ROBO1: variants seen among roughly 807,000 people sequenced by gnomAD.
ROBO1 encodes the protein roundabout guidance receptor 1, also known as roundabout homolog 1.
Under a neutral mutation model 195.9 loss-of-function variants are expected in ROBO1, and 149 were observed. That is an observed-to-expected ratio of 0.76 (90% CI 0.67 to 0.87). The LOEUF is 0.87. ROBO1 is among the 40% of genes least tolerant of loss of function. ROBO1 has a pLI of 0.00. For synonymous variants in ROBO1, 816 were observed against 733.2 expected (o/e 1.11, Z -1.82); for missense variants, 1,933 against 2,068.3 (o/e 0.93, Z 1.27).
intron 2 of ROBO1, among the ~76,000 whole-genome samples, chr3:79,236,442 C>T (rs76041884): frequency 6.6e-6 from 1 of 152,138 alleles, no homozygotes; most frequent in East Asian, 1.9e-4. Flanking sequence ...CTGTGTGTAA[C>T]CTCACTCTCA....
At chr3:78,779,919 G>T (rs1576150804) in intron 4 of ROBO1, among the ~76,000 whole-genome samples, 2 of 152,274 alleles carry the variant, frequency 1.3e-5, no homozygotes, top group Admixed American at 6.5e-5. Flanking sequence ...GGAATACTAT[G>T]CAGCCGTAAA....
chr3:79,577,751 CACACACACAA>C (rs1489411751), intron 2 of ROBO1, among the ~76,000 whole-genome samples: 2 of 132,080 alleles, frequency 1.5e-5, no homozygotes, highest in South Asian at 2.4e-4. Flanking sequence ...CACACACACA[CACACACACAA>C]AATTGCTGGG....
intron 4 of ROBO1, among the ~76,000 whole-genome samples, chr3:78,753,398 C>T (rs545543711): frequency 2.6e-5 from 4 of 152,102 alleles, no homozygotes; most frequent in Non-Finnish European, 4.4e-5. Context: ...CAAAATACTC[C>T]CTAGTGCTTA....
chr3:79,399,508 C>T (rs2037283494), intron 2 of ROBO1, among the ~76,000 whole-genome samples: 1 of 152,144 alleles, frequency 6.6e-6, no homozygotes, highest in African/African-American at 2.4e-5. Context: ...TCCCTCATTT[C>T]TTACAGATTT....
intron 4 of ROBO1, among the ~76,000 whole-genome samples, chr3:78,750,454 A>AAAATAAATAAATAAATAAAT (rs60201979): frequency 7.4e-6 from 1 of 135,990 alleles, no homozygotes; most frequent in African/African-American, 2.8e-5. Context: ...CTCCATCTCA[A>AAAATAAATAAATAAATAAAT]AAATAAATAA....
chr3:78,679,797 C>T (rs1294990904), intron 10 of ROBO1, among the ~76,000 whole-genome samples: 1 of 152,110 alleles, frequency 6.6e-6, no homozygotes, highest in Non-Finnish European at 1.5e-5. Flanking sequence ...CATCAAGCTA[C>T]CAATGACTTT....
At chr3:78,833,721 G>A (rs2108751089) in intron 4 of ROBO1, among the ~76,000 whole-genome samples, 1 of 152,078 alleles carries the variant, frequency 6.6e-6, no homozygotes, top group South Asian at 2.1e-4. Flanking sequence ...CTATGATTTA[G>A]GTGCTTATGG....
chr3:79,605,898 T>A (rs1944465430), intron 1 of ROBO1, among the ~76,000 whole-genome samples: 2 of 151,902 alleles, frequency 1.3e-5, no homozygotes, highest in Non-Finnish European at 1.5e-5. Context: ...AAGGGCTTTT[T>A]CAATGCTTTC....
intron 2 of ROBO1, among the ~76,000 whole-genome samples, chr3:79,540,110 A>G (rs1174034038): frequency 2.0e-5 from 3 of 152,102 alleles, no homozygotes; most frequent in Admixed American, 2.0e-4. Context: ...GCACATTATA[A>G]CAAGAATTTT....
chr3:79,500,436 G>C (rs931447797), intron 2 of ROBO1, among the ~76,000 whole-genome samples: 10 of 152,118 alleles, frequency 6.6e-5, no homozygotes, highest in Admixed American at 6.5e-4. Context: ...GGCCCCAGCC[G>C]CAAGTTTTAA....
chr3:79,332,769 A>G (rs911615340), intron 2 of ROBO1, among the ~76,000 whole-genome samples: 8 of 152,244 alleles, frequency 5.3e-5, no homozygotes, highest in Admixed American at 2.0e-4. Context: ...TGAATTAATT[A>G]AGTCCTAAAG....
chr3:79,020,393 T>A (rs1157512972), intron 3 of ROBO1, among the ~76,000 whole-genome samples: 2 of 152,138 alleles, frequency 1.3e-5, no homozygotes, highest in Non-Finnish European at 2.9e-5. Context: ...CTTTCTTTCT[T>A]TTAAATAGGA....
rs558949259 is a variant in ROBO1 at position 79,344,780 on chromosome 3, C to A, written c.89-219241G>T. 2.6e-5 allele frequency among the ~76,000 whole-genome samples: 4 copies of A among 152,008 alleles called. No homozygotes were observed. In the South Asian group the frequency reaches 6.2e-4, roughly 24 times the overall value. On this transcript the variant is annotated intron_variant, in intron 2 of 30. Coordinates refer to ENST00000464233, the MANE Select transcript of ROBO1 (RefSeq NM_002941.4). Reference sequence around the variant, plus strand: ...TCCATGTCCCCACTTAAATCTCATCCCCAGTTGTAATCCCCACGTGTCAAG... The same window carrying A: ...TCCATGTCCCCACTTAAATCTCATCACCAGTTGTAATCCCCACGTGTCAAG...
intron 4 of ROBO1, among the ~76,000 whole-genome samples, chr3:78,890,604 A>AT (rs1226737452): frequency 7.2e-5 from 11 of 152,016 alleles, no homozygotes; most frequent in African/African-American, 2.4e-4. Flanking sequence ...GCAAAAGGAT[A>AT]TTTTTTTGTC....
chr3:79,109,947 C>T (rs2079855309), intron 3 of ROBO1, among the ~76,000 whole-genome samples: 1 of 152,124 alleles, frequency 6.6e-6, no homozygotes, highest in Non-Finnish European at 1.5e-5. Flanking sequence ...AAAGCTTATA[C>T]ATGCTGACTT....
At chr3:79,356,486 T>G (rs1027651761) in intron 2 of ROBO1, among the ~76,000 whole-genome samples, 1 of 152,204 alleles carries the variant, frequency 6.6e-6, no homozygotes, top group African/African-American at 2.4e-5. Context: ...TCTCAACATG[T>G]AAATCTAACA....
chr3:79,176,503 G>A (rs1576775970), intron 2 of ROBO1, among the ~76,000 whole-genome samples: 1 of 152,084 alleles, frequency 6.6e-6, no homozygotes, highest in East Asian at 1.9e-4. Flanking sequence ...TGTCACCCAG[G>A]CTGGGGTGCA....
intron 1 of ROBO1, among the ~76,000 whole-genome samples, chr3:79,707,947 A>C (rs1039620188): frequency 1.3e-5 from 2 of 152,190 alleles, no homozygotes; most frequent in Non-Finnish European, 2.9e-5. Flanking sequence ...AACATAACTT[A>C]TATTGGCTCT....
At chr3:78,740,800 T>G (rs1014667462) in intron 5 of ROBO1, among the ~76,000 whole-genome samples, 1 of 152,124 alleles carries the variant, frequency 6.6e-6, no homozygotes, top group South Asian at 2.1e-4. Context: ...TTGACTTTCA[T>G]GACACACTTA....
Sources: allele counts gnomAD v4.1 joint callset (sites outside exome capture counted in the v4.1 genomes callset), GRCh38; gene constraint gnomAD v4.1.1; transcripts MANE v1.5; gene names NCBI Gene and HGNC (gene_info 2026-07-23, HGNC 2026-07-21).